Variants in DACH1 observed in about 807,000 individuals in gnomAD.
DACH1 encodes the protein dachshund family transcription factor 1, also known as dachshund homolog 1.
In DACH1, 12 loss-of-function variants were observed where a neutral mutation model predicts 54.2. The ratio of observed to expected loss-of-function variants is 0.22; its 90% CI spans 0.14 to 0.36. DACH1 has a LOEUF of 0.36. Ranked by LOEUF, DACH1 falls within the 10% of genes least tolerant of loss-of-function variation. DACH1 has a pLI of 1.00. For missense variants in DACH1, 805 were observed against 929.8 expected (o/e 0.87, Z 1.75); for synonymous variants, 386 against 366.2 (o/e 1.05, Z -0.62).
chr13:71,727,977 G>C (rs1883549428), intron 1 of DACH1, among the ~76,000 whole-genome samples: 1 of 151,978 alleles, frequency 6.6e-6, no homozygotes, highest in African/African-American at 2.4e-5. Flanking sequence ...CCACACTCTG[G>C]AAACCTTCCA....
At chr13:71,531,622 T>C (rs1882421116) in intron 6 of DACH1, among the ~76,000 whole-genome samples, 1 of 151,962 alleles carries the variant, frequency 6.6e-6, no homozygotes, top group African/African-American at 2.4e-5. Flanking sequence ...TCCTGAAATA[T>C]TAAAACATGC....
In DACH1 at chr13:71,516,897, C is replaced by CAT. The variant is rs1881200760; in HGVS notation, c.1571-27751_1571-27750dup. 2.1e-5 allele frequency among the ~76,000 whole-genome samples: 3 copies of CAT among 140,710 alleles called. No homozygotes were observed. In the Admixed American group the frequency reaches 2.3e-4, roughly 11 times the overall value. 92.3% of individuals were successfully genotyped at this position (140,710 alleles called of 152,430 possible). A position where few individuals can be genotyped will look rare whatever the true frequency, so the allele number is the denominator to read the frequency against. The stretch of plus-strand genomic sequence containing the variant: ...AAAATATTCATCAGTCTCATATATA[C>CAT]ATATATATATGCACACACATATATT... On this transcript the variant is annotated intron_variant, in intron 6 of 10. Coordinates refer to ENST00000613252, the MANE Select transcript of DACH1 (RefSeq NM_080759.6).
At position 71,533,149 on chromosome 13, in the gene DACH1, T is replaced by A. The variant is rs907488986; in HGVS notation, c.1570+23875A>T. Among the ~76,000 whole-genome samples the A allele has an allele frequency of 2.6e-5, 4 of 151,936 alleles. No homozygotes were observed. The Middle Eastern group carries it at 0.01, about 388-fold the overall frequency. On this transcript the variant is annotated intron_variant, in intron 6 of 10. Transcript: ENST00000613252. ...CAATAACATTCTTTTAAAAAATTAT[T>A]AGGAAAAGACAATGAAGACTGTGAG...
intron 2 of DACH1, among the ~76,000 whole-genome samples, chr13:71,643,753 GT>G (rs1878072685): frequency 6.6e-6 from 1 of 152,014 alleles, no homozygotes; most frequent in Non-Finnish European, 1.5e-5. Context: ...TCTTTCAACT[GT>G]TACGGACAAT....
chr13:71,711,031 T>C (rs74846365), intron 1 of DACH1, among the ~76,000 whole-genome samples: 11 of 152,268 alleles, frequency 7.2e-5, no homozygotes, highest in East Asian at 5.8e-4. Context: ...TCTTTATTGA[T>C]GGAAGAAATG....
intron 2 of DACH1, among the ~76,000 whole-genome samples, chr13:71,653,904 T>A (rs1339990228): frequency 6.6e-6 from 1 of 152,102 alleles, no homozygotes. Context: ...AGATCTTAAA[T>A]GTTCTCATCA....
At chr13:71,601,981 T>G (rs1222217934) in intron 3 of DACH1, among the ~76,000 whole-genome samples, 2 of 152,024 alleles carry the variant, frequency 1.3e-5, no homozygotes, top group Non-Finnish European at 2.9e-5. Flanking sequence ...GTTACAAATT[T>G]AATAAACATT....
At chr13:71,755,567 C>T (rs1885109038) in intron 1 of DACH1, among the ~76,000 whole-genome samples, 1 of 152,178 alleles carries the variant, frequency 6.6e-6, no homozygotes, top group African/African-American at 2.4e-5. Context: ...CCCTGAAATT[C>T]AGACAGTTCC....
intron 6 of DACH1, among the ~76,000 whole-genome samples, chr13:71,493,391 T>C (rs1593782584): frequency 6.6e-6 from 1 of 152,136 alleles, no homozygotes; most frequent in South Asian, 2.1e-4. Context: ...GGCTGACAGG[T>C]TGATTGATTG....
At chr13:71,595,784 G>A (rs1352613885) in intron 3 of DACH1, among the ~76,000 whole-genome samples, 2 of 152,060 alleles carry the variant, frequency 1.3e-5, no homozygotes, top group Non-Finnish European at 2.9e-5. Context: ...CTCCTTAGGA[G>A]AGCACAAACC....
chr13:71,512,879 G>T (rs893363820), intron 6 of DACH1, among the ~76,000 whole-genome samples: 2 of 151,588 alleles, frequency 1.3e-5, no homozygotes, highest in African/African-American at 4.8e-5. Flanking sequence ...AAATCTAGAA[G>T]AATAATCTTT....
At chr13:71,675,516 AT>A (rs71123297) in intron 2 of DACH1, 967,728 of 1,026,458 alleles carry the variant, frequency 0.94, 454,524 homozygotes, top group African/African-American at 0.97. Context: ...CAAAAAAAAA[AT>A]TTTTTTTTTT....
intron 6 of DACH1, among the ~76,000 whole-genome samples, chr13:71,529,188 T>G (rs925314808): frequency 4.8e-5 from 7 of 145,726 alleles, no homozygotes; most frequent in Non-Finnish European, 1.0e-4. Flanking sequence ...TTTGGGTTTT[T>G]TTTTTTTTTT....
At chr13:71,727,712 T>C (rs1312357630) in intron 1 of DACH1, among the ~76,000 whole-genome samples, 13 of 152,098 alleles carry the variant, frequency 8.5e-5, no homozygotes. Context: ...CAGAGACTGT[T>C]AGCATTTCAG....
At chr13:71,843,472 T>C (rs2138241910) in intron 1 of DACH1, among the ~76,000 whole-genome samples, 1 of 152,176 alleles carries the variant, frequency 6.6e-6, no homozygotes, top group Non-Finnish European at 1.5e-5. Context: ...ACCATGTTGC[T>C]CAGACTGGTC....
intron 3 of DACH1, among the ~76,000 whole-genome samples, chr13:71,604,725 G>A (rs1176653321): frequency 6.6e-6 from 1 of 151,822 alleles, no homozygotes; most frequent in African/African-American, 2.4e-5. Flanking sequence ...AGAGAACCCA[G>A]GTGTCACATG....
At chr13:71,692,505 C>CTT (rs1881551464) in intron 1 of DACH1, among the ~76,000 whole-genome samples, 2 of 72,290 alleles carry the variant, frequency 2.8e-5, no homozygotes, top group East Asian at 4.3e-4. Flanking sequence ...TCTTTTCTTT[C>CTT]CTTTTTTTTT....
intron 1 of DACH1, among the ~76,000 whole-genome samples, chr13:71,793,946 T>G (rs972855452): frequency 6.6e-6 from 1 of 152,192 alleles, no homozygotes; most frequent in African/African-American, 2.4e-5. Context: ...ACAGTTCTGG[T>G]CTTAAAACCT....
intron 6 of DACH1, among the ~76,000 whole-genome samples, chr13:71,519,435 C>T (rs1038221926): frequency 1.3e-5 from 2 of 151,598 alleles, no homozygotes; most frequent in African/African-American, 4.8e-5. Context: ...CAATAGTTAC[C>T]CATGTCTACA....
Sources: gnomAD v4.1 joint callset for allele counts (sites outside exome capture counted in the v4.1 genomes callset) on GRCh38, gnomAD v4.1.1 for gene constraint, MANE v1.5 for transcripts, NCBI Gene and HGNC (gene_info 2026-07-23, HGNC 2026-07-21) for gene names.